EPHA3: variants seen among roughly 807,000 people sequenced by gnomAD.
EPHA3 encodes EPH receptor A3.
EPHA3 carries 42 observed loss-of-function variants against 107.1 expected under a neutral mutation model. The ratio of observed to expected loss-of-function variants is 0.39; its 90% CI spans 0.31 to 0.51. EPHA3 has a LOEUF of 0.51. Among genes scored for constraint, EPHA3 ranks in the 20% least tolerant of loss-of-function variants. EPHA3 has a pLI of 0.78. For missense variants in EPHA3, 1,183 were observed against 1,211.2 expected (o/e 0.98, Z 0.35); for synonymous variants, 461 against 424.8 (o/e 1.09, Z -1.05).
At chr3:89,460,919 G>A (rs1393434063) in intron 15 of EPHA3, among the ~76,000 whole-genome samples, 1 of 123,336 alleles carries the variant, frequency 8.1e-6, no homozygotes, top group East Asian at 2.2e-4. Context: ...CTGGTGCGCT[G>A]CACCCACTAA....
chr3:89,389,778 G>C (rs1001159116), intron 5 of EPHA3, among the ~76,000 whole-genome samples: 2 of 152,180 alleles, frequency 1.3e-5, no homozygotes, highest in African/African-American at 4.8e-5. Flanking sequence ...AATGACGCAA[G>C]TCTCATCCCT....
At chr3:89,116,528 G>A (rs2106950340) in intron 1 of EPHA3, among the ~76,000 whole-genome samples, 1 of 152,030 alleles carries the variant, frequency 6.6e-6, no homozygotes, top group African/African-American at 2.4e-5. Context: ...GCTAAAACAG[G>A]CTTTTGAAAG....
chr3:89,171,918 T>A (rs1705218463), intron 2 of EPHA3, among the ~76,000 whole-genome samples: 1 of 152,160 alleles, frequency 6.6e-6, no homozygotes, highest in Admixed American at 6.5e-5. Flanking sequence ...CCATAATCTT[T>A]CTATAGACAG....
chr3:89,353,582 A>C (rs1707880305), intron 5 of EPHA3, among the ~76,000 whole-genome samples: 2 of 151,310 alleles, frequency 1.3e-5, no homozygotes, highest in African/African-American at 4.8e-5. Flanking sequence ...TTTTGAAATC[A>C]AGGCAGATAC....
rs1300747621 is a variant in EPHA3 at position 89,208,523 on chromosome 3, GGAAA to G, written c.154-1324_154-1321del. Among the ~76,000 whole-genome samples the G allele has an allele frequency of 7.9e-4, 105 of 132,548 alleles. 2 individuals carry two copies. Among genetic ancestry groups the G allele is most frequent in the African/African-American group, 2.7e-3 (94 of 35,356 alleles). 87.0% of individuals were successfully genotyped at this position (132,548 alleles called of 152,430 possible). A position where few individuals can be genotyped will look rare whatever the true frequency, so the allele number is the denominator to read the frequency against. ...GGAGGGAGGGAAGAAAGGAAGGAAG[GGAAA>G]GAAAGAAAGAAAAAAAGAAAGAGAA... On this transcript the variant is annotated intron_variant, in intron 2 of 16. Coordinates refer to ENST00000336596, the MANE Select transcript of EPHA3 (RefSeq NM_005233.6).
intron 5 of EPHA3, among the ~76,000 whole-genome samples, chr3:89,380,696 G>A (rs1049428149): frequency 2.0e-5 from 3 of 150,580 alleles, no homozygotes; most frequent in Non-Finnish European, 4.4e-5. Flanking sequence ...AATCAGCAGA[G>A]ACACAAAGCA....
chr3:89,146,296 C>A (rs536683699), intron 2 of EPHA3, among the ~76,000 whole-genome samples: 1 of 151,932 alleles, frequency 6.6e-6, no homozygotes, highest in South Asian at 2.1e-4. Context: ...TTCAAATAAA[C>A]CTTATTTAAC....
At chr3:89,230,384 A>C (rs1704601094) in intron 3 of EPHA3, among the ~76,000 whole-genome samples, 1 of 152,154 alleles carries the variant, frequency 6.6e-6, no homozygotes, top group Admixed American at 6.6e-5. Context: ...TTGGAATGCA[A>C]GAGTGCAAAG....
intron 16 of EPHA3, among the ~76,000 whole-genome samples, chr3:89,476,912 A>G (rs981427909): frequency 2.0e-5 from 3 of 151,976 alleles, no homozygotes; most frequent in Non-Finnish European, 4.4e-5. Context: ...TAGGAAGGGG[A>G]AAGGGAAGAG....
At chr3:89,401,838 T>G (rs1358359326) in intron 7 of EPHA3, among the ~76,000 whole-genome samples, 1 of 152,194 alleles carries the variant, frequency 6.6e-6, no homozygotes, top group Non-Finnish European at 1.5e-5. Context: ...CTTGAACTCC[T>G]GACCTCAGGG....
At chr3:89,451,309 A>G (rs1245432427) in intron 15 of EPHA3, among the ~76,000 whole-genome samples, 1 of 152,218 alleles carries the variant, frequency 6.6e-6, no homozygotes, top group East Asian at 1.9e-4. Flanking sequence ...TGGAAAAAAG[A>G]AGGAAGAAGA....
chr3:89,438,391 G>T (rs530031799), intron 13 of EPHA3, among the ~76,000 whole-genome samples: 1 of 152,232 alleles, frequency 6.6e-6, no homozygotes, highest in South Asian at 2.1e-4. Context: ...GATTACAGGT[G>T]TGAGCCACCG....
At chr3:89,408,765 G>C (rs1008550265) in intron 9 of EPHA3, among the ~76,000 whole-genome samples, 1 of 151,702 alleles carries the variant, frequency 6.6e-6, no homozygotes, top group Non-Finnish European at 1.5e-5. Flanking sequence ...GGTGTTTTGC[G>C]TTCCAAACTA....
intron 3 of EPHA3, among the ~76,000 whole-genome samples, chr3:89,256,639 T>TAGACATATCTAGGAC: frequency 6.6e-6 from 1 of 152,264 alleles, no homozygotes; most frequent in Admixed American, 6.5e-5. Context: ...GTCCTCTAAG[T>TAGACATATCTAGGAC]ATATCCCTAG....
rs114505202 is a variant in EPHA3, at chr3:89,400,263, G to A, written c.1594+783G>A. 8.5e-3 allele frequency: 1,775 copies of A among 207,778 alleles called. 40 individuals carry two copies. The highest frequency in any genetic ancestry group is 0.041 in the African/African-American group (1,683 of 41,150). The allele number at this position is 207,778 out of a possible 1,614,324, so 12.9% of individuals were successfully genotyped here. A position where few individuals can be genotyped will look rare whatever the true frequency, so the allele number is the denominator to read the frequency against. ...GGCTGGAGTACAGCAGAGCGATCTC[G>A]GCTCACTGCAAGCTCCTGCAAGCTC... On this transcript the variant is annotated intron_variant, in intron 7 of 16. Transcript: ENST00000336596.
chr3:89,213,211 T>G (rs1704147299), intron 3 of EPHA3, among the ~76,000 whole-genome samples: 1 of 151,960 alleles, frequency 6.6e-6, no homozygotes, highest in Non-Finnish European at 1.5e-5. Flanking sequence ...AGCATTCCTT[T>G]CTAGTTGTTT....
chr3:89,285,250 T>C (rs1706052595), intron 3 of EPHA3, among the ~76,000 whole-genome samples: 1 of 152,216 alleles, frequency 6.6e-6, no homozygotes, highest in African/African-American at 2.4e-5. Context: ...TAATGATCCA[T>C]CTCTCTCAAT....
intron 2 of EPHA3, among the ~76,000 whole-genome samples, chr3:89,132,526 A>T (rs1037736636): frequency 6.6e-6 from 1 of 152,224 alleles, no homozygotes; most frequent in African/African-American, 2.4e-5. Context: ...GAATTGAGGC[A>T]TCTGCATTTC....
chr3:89,134,800 T>C (rs1048798094), intron 2 of EPHA3, among the ~76,000 whole-genome samples: 6 of 152,176 alleles, frequency 3.9e-5, no homozygotes, highest in African/African-American at 1.4e-4. Context: ...GTGTTGTGAG[T>C]TGTCTCCACT....
Sources: allele counts gnomAD v4.1 joint callset (sites outside exome capture counted in the v4.1 genomes callset), GRCh38; gene constraint gnomAD v4.1.1; transcripts MANE v1.5; gene names NCBI Gene and HGNC (gene_info 2026-07-23, HGNC 2026-07-21).